Variants in IGF1R observed in about 807,000 individuals in gnomAD.
The protein encoded by IGF1R is insulin-like growth factor 1 receptor.
Under a neutral mutation model 144.6 loss-of-function variants are expected in IGF1R, and 44 were observed. That is an observed-to-expected ratio of 0.30 (90% confidence interval 0.24 to 0.39). IGF1R has a LOEUF of 0.39. Among genes scored for constraint, IGF1R ranks in the 10% least tolerant of loss-of-function variants. The pLI, the probability that IGF1R is intolerant of heterozygous loss-of-function variation, is 1.00. For missense variants in IGF1R, 1,355 were observed against 1,833.7 expected, an observed-to-expected ratio of 0.74 and a Z score of 4.77; for synonymous variants, 795 against 722.8, an observed-to-expected ratio of 1.10 and a Z score of -1.60.
Position 98,958,955 on chromosome 15 carries a change from C to T in IGF1R, c.*1513C>T, listed in dbSNP as rs886051578. 3.4e-5 allele frequency: 8 copies of T among 233,332 alleles called. No homozygotes were observed. The highest frequency in any genetic ancestry group is 1.8e-4 in the South Asian group (1 of 5,534). 14.5% of individuals were successfully genotyped at this position (233,332 alleles called of 1,614,324 possible). A position where few individuals can be genotyped will look rare whatever the true frequency, so the allele number is the denominator to read the frequency against. On this transcript the variant is annotated 3_prime_UTR_variant, in exon 21 of 21. Transcript: ENST00000650285. Reference sequence around the variant, plus strand: ...CTGCCCCTTTAGTTGTTTTCTAACCCGTAGGCTCTCTGGGCACGAGGCAGA... The same window carrying T: ...CTGCCCCTTTAGTTGTTTTCTAACCTGTAGGCTCTCTGGGCACGAGGCAGA...
intron 2 of IGF1R, among the ~76,000 whole-genome samples, chr15:98,866,220 C>T (rs1192852050): frequency 6.6e-6 from 1 of 152,156 alleles, no homozygotes; most frequent in Non-Finnish European, 1.5e-5. Flanking sequence ...CACAGGAAGA[C>T]GCCTCTGTCT....
At chr15:98,750,362 A>G (rs2054979817) in intron 2 of IGF1R, among the ~76,000 whole-genome samples, 1 of 152,160 alleles carries the variant, frequency 6.6e-6, no homozygotes, top group Admixed American at 6.5e-5. Context: ...TTGGCCTAGG[A>G]GGGCCCCTGG....
In IGF1R at chr15:98,914,588, A is replaced by G. The variant is rs2015161033; in HGVS notation, c.1828+1306A>G. 3.3e-5 allele frequency among the ~76,000 whole-genome samples: 5 copies of G among 152,332 alleles called. No individual in the cohort carries two copies. In the South Asian group the frequency reaches 8.3e-4, roughly 25 times the overall value. ...TGGTGTAGCAGAGGTTCAGTGCAAC[A>G]GAAGAAGTTTTTCATCTTAAAATTT... On this transcript the variant is annotated intron_variant, in intron 8 of 20. Transcript: ENST00000650285.
chr15:98,801,087 CG>C (rs1567135551), intron 2 of IGF1R, among the ~76,000 whole-genome samples: 1 of 152,098 alleles, frequency 6.6e-6, no homozygotes, highest in Non-Finnish European at 1.5e-5. Context: ...TTGTCATCCC[CG>C]GGGACCTTGC....
At chr15:98,873,775 T>A (rs948980966) in intron 2 of IGF1R, 4 of 152,236 alleles carry the variant, frequency 2.6e-5, no homozygotes, top group African/African-American at 9.6e-5. Flanking sequence ...CTTAACCTGC[T>A]GCAGTTACCA....
At chr15:98,910,624 A>G (rs1027502859) in intron 6 of IGF1R, among the ~76,000 whole-genome samples, 1 of 152,210 alleles carries the variant, frequency 6.6e-6, no homozygotes, top group African/African-American at 2.4e-5. Flanking sequence ...GGTCCAAGGA[A>G]TAAGAGAGAC....
chr15:98,804,823 T>G (rs1366810258), intron 2 of IGF1R, among the ~76,000 whole-genome samples: 1 of 152,126 alleles, frequency 6.6e-6, no homozygotes, highest in Non-Finnish European at 1.5e-5. Context: ...GCCTCCCGAG[T>G]AGCTGGAACT....
intron 1 of IGF1R, among the ~76,000 whole-genome samples, chr15:98,661,329 C>T (rs972687362): frequency 2.0e-5 from 3 of 152,252 alleles, no homozygotes; most frequent in South Asian, 2.1e-4. Context: ...GGCCAGCTCC[C>T]GACCTCTGGA....
chr15:98,763,275 G>A (rs2055352946), intron 2 of IGF1R, among the ~76,000 whole-genome samples: 1 of 152,072 alleles, frequency 6.6e-6, no homozygotes, highest in Admixed American at 6.5e-5. Context: ...GAAATGTTTT[G>A]TTCCAGTCTG....
chr15:98,664,977 G>GA (rs1438931708), intron 1 of IGF1R, among the ~76,000 whole-genome samples: 2 of 52,832 alleles, frequency 3.8e-5, no homozygotes, highest in Non-Finnish European at 7.6e-5. Context: ...TTTTTTTTTT[G>GA]GATGGAATCT....
At chr15:98,661,116 A>G (rs2052588474) in intron 1 of IGF1R, among the ~76,000 whole-genome samples, 1 of 152,132 alleles carries the variant, frequency 6.6e-6, no homozygotes, top group Non-Finnish European at 1.5e-5. Context: ...TGTGGTTGGA[A>G]CAAGCAGAAT....
rs115218262 is a variant in IGF1R, at chr15:98,851,569, T to C, written c.641-39756T>C. Among the ~76,000 whole-genome samples the C allele has an allele frequency of 4.2e-3, 631 of 151,956 alleles. 6 individuals are homozygous for C. The highest frequency in any genetic ancestry group is 0.013 in the African/African-American group (556 of 41,270). On this transcript the variant is annotated intron_variant, in intron 2 of 20. Transcript: ENST00000650285. ...TCAGAAAGAATCTCTGGACTCTGGC[T>C]CAGGACCTCTGAGGTGATTATGCAT...
At chr15:98,770,302 A>G (rs1331553066) in intron 2 of IGF1R, among the ~76,000 whole-genome samples, 1 of 152,268 alleles carries the variant, frequency 6.6e-6, no homozygotes, top group South Asian at 2.1e-4. Context: ...GATCTCTTGG[A>G]GGTAGAGAGT....
chr15:98,788,455 G>T (rs1333278709), intron 2 of IGF1R, among the ~76,000 whole-genome samples: 1 of 152,186 alleles, frequency 6.6e-6, no homozygotes, highest in African/African-American at 2.4e-5. Context: ...TGTTCTCTGA[G>T]CCCTGTCACT....
At chr15:98,682,438 T>C (rs1258274030) in intron 1 of IGF1R, among the ~76,000 whole-genome samples, 1 of 152,062 alleles carries the variant, frequency 6.6e-6, no homozygotes, top group Non-Finnish European at 1.5e-5. Context: ...ATAAAAGGAG[T>C]CTTTCTCTTT....
intron 2 of IGF1R, among the ~76,000 whole-genome samples, chr15:98,856,813 C>T (rs1187929832): frequency 6.6e-6 from 1 of 152,234 alleles, no homozygotes; most frequent in East Asian, 1.9e-4. Flanking sequence ...AGAACACTTG[C>T]TTTCAGCTCA....
At chr15:98,796,167 G>A (rs530458761) in intron 2 of IGF1R, among the ~76,000 whole-genome samples, 1,318 of 57,162 alleles carry the variant, frequency 0.023, 23 homozygotes, top group Non-Finnish European at 0.039. Context: ...GCCCAGCATC[G>A]TGTGGGCACT....
At chr15:98,656,604 CA>C (rs1434482603) in intron 1 of IGF1R, among the ~76,000 whole-genome samples, 1 of 138,344 alleles carries the variant, frequency 7.2e-6, no homozygotes, top group Admixed American at 6.7e-5. Flanking sequence ...GTCTGGAAAA[CA>C]TTTTTTTTTT....
intron 2 of IGF1R, among the ~76,000 whole-genome samples, chr15:98,821,667 C>T (rs2056806039): frequency 6.6e-6 from 1 of 152,180 alleles, no homozygotes; most frequent in Non-Finnish European, 1.5e-5. Context: ...AACTCTCTTA[C>T]CTTGATTAGT....
Sources: gnomAD v4.1 joint callset for allele counts (sites outside exome capture counted in the v4.1 genomes callset) on GRCh38, gnomAD v4.1.1 for gene constraint, MANE v1.5 for transcripts, NCBI Gene and HGNC (gene_info 2026-07-23, HGNC 2026-07-21) for gene names.